AGBL4: variants seen among roughly 807,000 people sequenced by gnomAD.
AGBL4 encodes the protein cytosolic carboxypeptidase 6.
In AGBL4, 58 loss-of-function variants were observed where a neutral mutation model predicts 66.4. The observed-to-expected ratio is 0.87, with a 90% confidence interval of 0.71 to 1.09. AGBL4 has a LOEUF of 1.09. Ranked by LOEUF, AGBL4 falls within the 50% of genes least tolerant of loss-of-function variation. AGBL4 has a pLI of 0.00. For missense variants in AGBL4, 579 were observed against 631.0 expected, an observed-to-expected ratio of 0.92 and a Z score of 0.88; for synonymous variants, 234 against 222.9, an observed-to-expected ratio of 1.05 and a Z score of -0.44.
intron 3 of AGBL4, among the ~76,000 whole-genome samples, chr1:49,470,714 A>T (rs1646724805): frequency 6.6e-6 from 1 of 152,034 alleles, no homozygotes; most frequent in Non-Finnish European, 1.5e-5. Context: ...CCTGGAAGTT[A>T]TCACCCTATT....
At chr1:48,953,033 A>T (rs574057177) in intron 5 of AGBL4, among the ~76,000 whole-genome samples, 9 of 152,278 alleles carry the variant, frequency 5.9e-5, no homozygotes, top group Admixed American at 6.5e-5. Flanking sequence ...AAATGGTGAT[A>T]GTTCTTCCTT....
At chr1:49,251,715 C>T (rs1006393270) in intron 3 of AGBL4, among the ~76,000 whole-genome samples, 6 of 152,174 alleles carry the variant, frequency 3.9e-5, no homozygotes, top group Non-Finnish European at 8.8e-5. Context: ...TCAGTTCCCC[C>T]AGCACAGTGA....
chr1:49,219,505 G>A (rs1649335431), intron 4 of AGBL4, among the ~76,000 whole-genome samples: 1 of 152,062 alleles, frequency 6.6e-6, no homozygotes, highest in Non-Finnish European at 1.5e-5. Flanking sequence ...ACTATATGGT[G>A]CAACCTATTT....
intron 2 of AGBL4, among the ~76,000 whole-genome samples, chr1:49,788,177 C>T (rs937061488): frequency 1.3e-5 from 2 of 152,088 alleles, no homozygotes; most frequent in East Asian, 3.9e-4. Flanking sequence ...CTCATAAATG[C>T]TGAGTTAATT....
At chr1:49,299,696 G>A (rs1445608735) in intron 3 of AGBL4, among the ~76,000 whole-genome samples, 4 of 152,122 alleles carry the variant, frequency 2.6e-5, no homozygotes, top group African/African-American at 9.7e-5. Context: ...GTTTTCAGGG[G>A]AGACATCTTT....
At chr1:49,625,832 T>C (rs957256692) in intron 3 of AGBL4, among the ~76,000 whole-genome samples, 1 of 152,136 alleles carries the variant, frequency 6.6e-6, no homozygotes, top group Non-Finnish European at 1.5e-5. Flanking sequence ...GCAGGGGTAA[T>C]ATACAATTCC....
rs577693851 is a variant in AGBL4 at position 48,894,168 on chromosome 1, T to C, written c.595-26938A>G. ...GAAATTAGCTTAATGGTTAATTAGC[T>C]GAAATGATGAAGATTTAGCTATAAG... On this transcript the variant is annotated intron_variant, in intron 5 of 13. Transcript: ENST00000371839. 9.2e-5 allele frequency among the ~76,000 whole-genome samples: 14 copies of C among 152,340 alleles called. No homozygotes were observed. In the East Asian group the frequency reaches 1.3e-3, roughly 15 times the overall value.
At chr1:48,786,169 C>T (rs918166329) in intron 6 of AGBL4, among the ~76,000 whole-genome samples, 1 of 152,156 alleles carries the variant, frequency 6.6e-6, no homozygotes, top group African/African-American at 2.4e-5. Context: ...AAAGTCAATA[C>T]AAAATCAGAG....
At chr1:49,860,352 G>A (rs984630115) in intron 1 of AGBL4, among the ~76,000 whole-genome samples, 4 of 152,220 alleles carry the variant, frequency 2.6e-5, no homozygotes, top group Non-Finnish European at 5.9e-5. Context: ...TTCAATAAAA[G>A]TGCAAAGGCA....
At chr1:49,555,580 C>G (rs1331270907) in intron 3 of AGBL4, among the ~76,000 whole-genome samples, 1 of 149,418 alleles carries the variant, frequency 6.7e-6, no homozygotes, top group Non-Finnish European at 1.5e-5. Flanking sequence ...CCAATCAGTG[C>G]TCTGTGTCTA....
At chr1:49,364,473 GAGT>G (rs1644203757) in intron 3 of AGBL4, among the ~76,000 whole-genome samples, 4 of 151,872 alleles carry the variant, frequency 2.6e-5, no homozygotes. Flanking sequence ...ACCACCATGA[GAGT>G]AGTTTTTTTT....
At position 48,587,718 on chromosome 1, in the gene AGBL4, C is replaced by T. The variant is rs182669270; in HGVS notation, c.1105-552G>A. Reference sequence around the variant, plus strand: ...AGTACAGTGGCGCGATCTTGGCTCACTGCAAGCTCCGTCTCCCTGGTTCAT... The same window carrying T: ...AGTACAGTGGCGCGATCTTGGCTCATTGCAAGCTCCGTCTCCCTGGTTCAT... On this transcript the variant is annotated intron_variant, in intron 10 of 13. Coordinates refer to ENST00000371839, the MANE Select transcript of AGBL4 (RefSeq NM_032785.4). Among the ~76,000 whole-genome samples the T allele has an allele frequency of 3.7e-3, 563 of 151,846 alleles. 8 individuals are homozygous for T. Among genetic ancestry groups the T allele is most frequent in the African/African-American group, 0.013 (540 of 41,410 alleles).
intron 3 of AGBL4, among the ~76,000 whole-genome samples, chr1:49,520,080 T>C (rs1226472097): frequency 6.6e-6 from 1 of 152,014 alleles, no homozygotes; most frequent in Non-Finnish European, 1.5e-5. Context: ...CCCTTGGCAA[T>C]GCAAGATCAG....
chr1:49,380,041 G>C (rs1644563457), intron 3 of AGBL4, among the ~76,000 whole-genome samples: 1 of 152,114 alleles, frequency 6.6e-6, no homozygotes, highest in South Asian at 2.1e-4. Flanking sequence ...TATTCAATTA[G>C]GAAAAGAGGA....
At position 49,483,925 on chromosome 1, in the gene AGBL4, T is replaced by C. The variant is rs560605037; in HGVS notation, c.282+213388A>G. Among the ~76,000 whole-genome samples the C allele has an allele frequency of 2.6e-5, 4 of 152,054 alleles. No individual in the cohort carries two copies. The East Asian group carries it at 7.7e-4, about 29-fold the overall frequency. On this transcript the variant is annotated intron_variant, in intron 3 of 13. Coordinates refer to ENST00000371839, the MANE Select transcript of AGBL4 (RefSeq NM_032785.4). ...TATAGGAAAATATCTAATAATCTGATATAAAAATGGGTAAAGATCTGAATA... is the reference window on the plus strand; with the variant it reads ...TATAGGAAAATATCTAATAATCTGACATAAAAATGGGTAAAGATCTGAATA...
intron 4 of AGBL4, among the ~76,000 whole-genome samples, chr1:49,075,145 G>A (rs181726167): frequency 5.3e-5 from 8 of 152,130 alleles, no homozygotes; most frequent in South Asian, 4.2e-4. Flanking sequence ...TTGTGTATAC[G>A]TTCATGTCTG....
At chr1:48,608,573 A>G (rs567170509) in intron 9 of AGBL4, among the ~76,000 whole-genome samples, 16 of 140,558 alleles carry the variant, frequency 1.1e-4, no homozygotes, top group African/African-American at 3.9e-4. Flanking sequence ...ATGGATGGAT[A>G]GATGGATGGA....
At chr1:48,786,566 C>T (rs948813235) in intron 6 of AGBL4, among the ~76,000 whole-genome samples, 3 of 152,188 alleles carry the variant, frequency 2.0e-5, no homozygotes, top group African/African-American at 7.2e-5. Flanking sequence ...CCAGTATCTA[C>T]CATTCCAATC....
chr1:48,852,119 GA>G (rs1647049214), intron 6 of AGBL4, among the ~76,000 whole-genome samples: 1 of 145,848 alleles, frequency 6.9e-6, no homozygotes, highest in South Asian at 2.2e-4. Context: ...AGGGATGAAA[GA>G]CTTGAAGCTT....
Sources: allele counts gnomAD v4.1 joint callset (sites outside exome capture counted in the v4.1 genomes callset), GRCh38; gene constraint gnomAD v4.1.1; transcripts MANE v1.5; gene names NCBI Gene and HGNC (gene_info 2026-07-23, HGNC 2026-07-21).